PPP1R9A: variants seen among roughly 807,000 people sequenced by gnomAD.
PPP1R9A encodes the protein protein phosphatase 1 regulatory subunit 9A.
In PPP1R9A, 59 loss-of-function variants were observed where a neutral mutation model predicts 141.9. The observed-to-expected ratio is 0.42, with a 90% CI of 0.34 to 0.52. The LOEUF is 0.52. PPP1R9A is among the 20% of genes least tolerant of loss of function. The pLI is 0.10. For synonymous variants in PPP1R9A, 500 were observed against 569.7 expected, an observed-to-expected ratio of 0.88 and a Z score of 1.74; for missense variants, 1,444 against 1,611.9, an observed-to-expected ratio of 0.90 and a Z score of 1.78.
intron 2 of PPP1R9A, among the ~76,000 whole-genome samples, chr7:95,033,501 A>G (rs1808003462): frequency 1.3e-5 from 2 of 151,990 alleles, no homozygotes; most frequent in South Asian, 4.1e-4. Flanking sequence ...TTTTCTGTTG[A>G]GCAAAAGTTT....
At chr7:95,051,681 G>A (rs1043286123) in intron 2 of PPP1R9A, among the ~76,000 whole-genome samples, 1 of 151,912 alleles carries the variant, frequency 6.6e-6, no homozygotes, top group Non-Finnish European at 1.5e-5. Flanking sequence ...TGCTACTATT[G>A]GAACATACCA....
At chr7:94,921,888 C>G (rs1398433403) in intron 2 of PPP1R9A, among the ~76,000 whole-genome samples, 1 of 151,772 alleles carries the variant, frequency 6.6e-6, no homozygotes, top group African/African-American at 2.4e-5. Flanking sequence ...TAAAGGCTGG[C>G]TGGAAGATTG....
intron 2 of PPP1R9A, among the ~76,000 whole-genome samples, chr7:94,986,378 G>A (rs919708472): frequency 4.6e-5 from 7 of 152,082 alleles, no homozygotes; most frequent in Non-Finnish European, 1.0e-4. Flanking sequence ...TATACTAAGT[G>A]AACTAAGTCA....
intron 4 of PPP1R9A, among the ~76,000 whole-genome samples, chr7:95,149,543 A>G (rs1166301235): frequency 2.0e-5 from 3 of 152,036 alleles, no homozygotes; most frequent in African/African-American, 4.8e-5. Context: ...ATACAAGCTT[A>G]TTATACAAAA....
chr7:95,215,804 CT>C (rs1793256268), intron 7 of PPP1R9A, among the ~76,000 whole-genome samples: 1 of 152,156 alleles, frequency 6.6e-6, no homozygotes, highest in Non-Finnish European at 1.5e-5. Context: ...CCTTCGCCCA[CT>C]TTTTGATGGG....
intron 2 of PPP1R9A, among the ~76,000 whole-genome samples, chr7:94,963,737 T>G (rs975686586): frequency 5.9e-5 from 9 of 152,190 alleles, no homozygotes; most frequent in African/African-American, 2.2e-4. Flanking sequence ...TTTTGAATAT[T>G]TGCAATACTT....
chr7:95,047,310 G>T (rs546162068), intron 2 of PPP1R9A, among the ~76,000 whole-genome samples: 1 of 152,248 alleles, frequency 6.6e-6, no homozygotes, highest in Non-Finnish European at 1.5e-5. Flanking sequence ...TTTTTTAGTT[G>T]ATGTGTACTA....
chr7:95,111,193 A>G (rs1336414018), intron 2 of PPP1R9A, 66 bp from the exon 3 acceptor site: 1 of 1,427,146 alleles, frequency 7.0e-7, no homozygotes, highest in East Asian at 2.3e-5. Context: ...AAACTTACAT[A>G]GTTTTGGATA....
chr7:95,059,548 CAT>C (rs1811945029), intron 2 of PPP1R9A, among the ~76,000 whole-genome samples: 1 of 152,178 alleles, frequency 6.6e-6, no homozygotes, highest in Non-Finnish European at 1.5e-5. Flanking sequence ...TAATGTTAAA[CAT>C]ATGTCCCAAA....
In PPP1R9A at chr7:95,295,218, C is replaced by G. The variant is rs139456870; in HGVS notation, c.*4915C>G. ...GGAGCTGTAATCATAGCCTTATTGC[C>G]ACTTCTTGCGTTGTGTATACATTGA... On this transcript the variant is annotated 3_prime_UTR_variant, in exon 20 of 20. Transcript: ENST00000433360. 1 of 152,516 alleles carries G rather than the reference C, an allele frequency of 6.6e-6. No individual in the cohort carries two copies. Among genetic ancestry groups the G allele is most frequent in the Non-Finnish European group, 1.5e-5 (1 of 68,034 alleles). 9.4% of individuals were successfully genotyped at this position (152,516 alleles called of 1,614,324 possible). A position where few individuals can be genotyped will look rare whatever the true frequency, so the allele number is the denominator to read the frequency against.
chr7:95,109,063 C>G (rs1210300875), intron 2 of PPP1R9A: 1 of 152,130 alleles, frequency 6.6e-6, no homozygotes. Context: ...GTAAAGCTTG[C>G]TTCTATAGGC....
intron 12 of PPP1R9A, among the ~76,000 whole-genome samples, chr7:95,258,384 T>C (rs1799927627): frequency 6.6e-6 from 1 of 152,210 alleles, no homozygotes; most frequent in Admixed American, 6.5e-5. Flanking sequence ...TTCTTGTAAA[T>C]TTGTTTGAGT....
At chr7:95,225,894 A>T in intron 7 of PPP1R9A, 67 bp from the exon 8 acceptor site, 1 of 1,502,046 alleles carries the variant, frequency 6.7e-7, no homozygotes, top group Non-Finnish European at 9.0e-7. Context: ...TTTATAAAAT[A>T]TTTTCAAATA....
At chr7:95,207,594 A>C (rs1373446638) in intron 7 of PPP1R9A, among the ~76,000 whole-genome samples, 2 of 152,206 alleles carry the variant, frequency 1.3e-5, no homozygotes, top group African/African-American at 4.8e-5. Flanking sequence ...AGTATGGTTT[A>C]ACATTGGAAA....
intron 5 of PPP1R9A, among the ~76,000 whole-genome samples, chr7:95,187,735 A>G (rs891770119): frequency 3.9e-5 from 6 of 152,038 alleles, no homozygotes; most frequent in Non-Finnish European, 7.4e-5. Context: ...GAATGTTTAA[A>G]TTTCTATCTT....
At chr7:95,090,296 T>C (rs1007695374) in intron 2 of PPP1R9A, among the ~76,000 whole-genome samples, 2 of 151,990 alleles carry the variant, frequency 1.3e-5, no homozygotes, top group African/African-American at 4.8e-5. Context: ...CAAGGTCTTT[T>C]TGTATCATAG....
At chr7:95,054,873 C>T (rs781340718) in intron 2 of PPP1R9A, among the ~76,000 whole-genome samples, 1 of 151,356 alleles carries the variant, frequency 6.6e-6, no homozygotes, top group Non-Finnish European at 1.5e-5. Context: ...ATTCATTACC[C>T]TACTTCCAGT....
intron 2 of PPP1R9A, among the ~76,000 whole-genome samples, chr7:94,992,770 T>G (rs1801679849): frequency 2.0e-5 from 3 of 152,194 alleles, no homozygotes; most frequent in Non-Finnish European, 4.4e-5. Flanking sequence ...TATGTGTATC[T>G]TATTTTGTGA....
At chr7:95,088,688 GTTTC>G (rs1160303775) in intron 2 of PPP1R9A, among the ~76,000 whole-genome samples, 3 of 151,976 alleles carry the variant, frequency 2.0e-5, no homozygotes, top group Non-Finnish European at 4.4e-5. Context: ...CACAGGCCCA[GTTTC>G]TTGTACCTAA....
Sources: gnomAD v4.1 joint callset for allele counts (sites outside exome capture counted in the v4.1 genomes callset) on GRCh38, gnomAD v4.1.1 for gene constraint, MANE v1.5 for transcripts, NCBI Gene and HGNC (gene_info 2026-07-23, HGNC 2026-07-21) for gene names.